Variants in ZNF215 observed in about 807,000 individuals in gnomAD.
The protein encoded by ZNF215 is zinc finger protein 215.
ZNF215 carries 24 observed loss-of-function variants against 27.2 expected under a neutral mutation model. That is an observed-to-expected ratio of 0.88 (90% CI 0.64 to 1.24). The LOEUF (loss-of-function observed/expected upper bound fraction) is 1.24. Ranked by LOEUF, ZNF215 falls within the 50% of genes most tolerant of loss-of-function variation. ZNF215 has a pLI of 0.00. For missense variants in ZNF215, 675 were observed against 605.7 expected (o/e 1.11, Z -1.20); for synonymous variants, 210 against 204.0 (o/e 1.03, Z -0.25).
At chr11:6,980,628 CTTTAAG>C (rs1457010736) in intron 5 of ZNF215, among the ~76,000 whole-genome samples, 1 of 150,326 alleles carries the variant, frequency 6.7e-6, no homozygotes, top group Non-Finnish European at 1.5e-5. Context: ...TATTATTATA[CTTTAAG>C]TTTTAGGGTA....
At chr11:6,943,805 C>A (rs1195953739) in intron 6 of ZNF215, among the ~76,000 whole-genome samples, 164 bp downstream of exon 6, 1 of 152,128 alleles carries the variant, frequency 6.6e-6, no homozygotes, top group Non-Finnish European at 1.5e-5. Flanking sequence ...GGTTCTTTTT[C>A]TTATGTGGTA....
chr11:6,942,575 C>G (rs1238408362), intron 4 of ZNF215, among the ~76,000 whole-genome samples: 1 of 152,074 alleles, frequency 6.6e-6, no homozygotes, highest in South Asian at 2.1e-4. Flanking sequence ...GGCAGTCAGG[C>G]AATCTTGCCC....
intron 5 of ZNF215, chr11:6,984,034 A>T: frequency 2.9e-6 from 1 of 342,802 alleles, no homozygotes. Context: ...TATAAAAATT[A>T]ACATACTCTC....
At chr11:6,972,069 C>T (rs761740433) in intron 5 of ZNF215, among the ~76,000 whole-genome samples, 2 of 152,066 alleles carry the variant, frequency 1.3e-5, no homozygotes, top group Non-Finnish European at 2.9e-5. Flanking sequence ...CTTCCCAAGA[C>T]TACTCATCTA....
intron 5 of ZNF215, among the ~76,000 whole-genome samples, chr11:6,978,172 A>C (rs1850872652): frequency 6.6e-6 from 1 of 152,092 alleles, no homozygotes; most frequent in Non-Finnish European, 1.5e-5. Context: ...AGTGTTCATC[A>C]GTAGGAGAAT....
chr11:6,979,621 G>C (rs2133351234), intron 5 of ZNF215, among the ~76,000 whole-genome samples: 1 of 152,012 alleles, frequency 6.6e-6, no homozygotes, highest in East Asian at 1.9e-4. Flanking sequence ...AGAAGAAGGA[G>C]GTTAAGTAGC....
chr11:6,985,774 A>G (rs949685712), downstream of ZNF215, among the ~76,000 whole-genome samples: 5 of 152,126 alleles, frequency 3.3e-5, no homozygotes, highest in African/African-American at 9.7e-5. Context: ...CAAGAATGCA[A>G]TCCTATTTAC....
downstream of ZNF215, among the ~76,000 whole-genome samples, chr11:6,986,944 A>G (rs1851063714): frequency 6.6e-6 from 1 of 152,206 alleles, no homozygotes; most frequent in South Asian, 2.1e-4. Context: ...TTGGGGATGT[A>G]AACTAGTTCA....
chr11:6,975,496 A>G (rs1850813725), intron 5 of ZNF215, among the ~76,000 whole-genome samples: 1 of 151,742 alleles, frequency 6.6e-6, no homozygotes, highest in Non-Finnish European at 1.5e-5. Flanking sequence ...CCCATTAACC[A>G]TCCCCACCAG....
At chr11:6,987,437 G>A (rs1489966081), downstream of ZNF215, among the ~76,000 whole-genome samples, 4 of 152,096 alleles carry the variant, frequency 2.6e-5, no homozygotes, top group African/African-American at 9.7e-5. Context: ...TCACTAACTG[G>A]ATGACACATT....
chr11:6,981,588 T>A (rs11041121), intron 5 of ZNF215, among the ~76,000 whole-genome samples: 47,674 of 151,444 alleles, frequency 0.31, 7,793 homozygotes, highest in African/African-American at 0.38. Flanking sequence ...TAGTTTCTTT[T>A]GCTGTGCAGA....
At chr11:6,951,591 A>G (rs1206206649) in intron 6 of ZNF215, among the ~76,000 whole-genome samples, 4 of 152,096 alleles carry the variant, frequency 2.6e-5, no homozygotes, top group Admixed American at 1.3e-4. Context: ...CTCCTTTATC[A>G]TTTTTTATTG....
chr11:6,938,112 TC>T (rs1313737506), intron 3 of ZNF215, among the ~76,000 whole-genome samples: 2 of 151,962 alleles, frequency 1.3e-5, no homozygotes, highest in Non-Finnish European at 2.9e-5. Context: ...GGGTCCAATA[TC>T]AGGAAAATAT....
At chr11:6,937,918 CTCT>C (rs1024303638) in intron 3 of ZNF215, among the ~76,000 whole-genome samples, 5 of 151,756 alleles carry the variant, frequency 3.3e-5, no homozygotes, top group Admixed American at 2.0e-4. Context: ...ATAGAAATAA[CTCT>C]TCATCACCTT....
intron 6 of ZNF215, among the ~76,000 whole-genome samples, chr11:6,948,097 A>G (rs1179113817): frequency 1.3e-5 from 2 of 152,210 alleles, no homozygotes; most frequent in Non-Finnish European, 2.9e-5. Flanking sequence ...CCCAGATTCA[A>G]GGAGAAGCAG....
chr11:6,984,938 ACG>A (rs1851030599), downstream of ZNF215, among the ~76,000 whole-genome samples: 1 of 152,152 alleles, frequency 6.6e-6, no homozygotes, highest in Non-Finnish European at 1.5e-5. Context: ...TGCACTGGTC[ACG>A]ATGGATTCAC....
intron 6 of ZNF215, among the ~76,000 whole-genome samples, chr11:6,947,438 G>A (rs958429395): frequency 2.6e-5 from 4 of 152,140 alleles, no homozygotes; most frequent in South Asian, 2.1e-4. Context: ...ACCTGTAATC[G>A]TAGCTGCTTG....
rs1850334838 is a variant in ZNF215, at chr11:6,956,114, T to G, written c.1137T>G (p.Tyr379Ter). ...AAAGTCATACTACAATGAATTCCTA[T>G]GAATGTTATCAATGTGGGAAAGCCT... ...HQKSHTTMNS[Y>*]ECYQCGKAFC... is the part of the protein sequence containing the mutation. Residue 379 changes from tyrosine (Y) to a stop codon, truncating the protein, a stop_gained, in exon 7 of 7, where the codon TAT (tyrosine) becomes TAG (stop). Transcript: ENST00000278319. LOFTEE classifies it low-confidence loss of function (END_TRUNC). 6.2e-7 allele frequency: 1 copy of G among 1,613,606 alleles called. No homozygotes were observed. Among genetic ancestry groups the G allele is most frequent in the South Asian group, 1.1e-5 (1 of 90,958 alleles).
At chr11:6,982,436 C>T in intron 5 of ZNF215, among the ~76,000 whole-genome samples, 1 of 152,116 alleles carries the variant, frequency 6.6e-6, no homozygotes, top group Non-Finnish European at 1.5e-5. Context: ...CTCTCCACCC[C>T]AAATCAACAG....
Sources: allele counts gnomAD v4.1 joint callset (sites outside exome capture counted in the v4.1 genomes callset), GRCh38; gene constraint gnomAD v4.1.1; transcripts MANE v1.5; gene names NCBI Gene and HGNC (gene_info 2026-07-23, HGNC 2026-07-21).